Variants in NRG3 observed in about 807,000 individuals in gnomAD.
The protein encoded by NRG3 is pro-neuregulin-3, membrane-bound isoform.
A neutral mutation model predicts 66.9 loss-of-function variants in NRG3; 31 were observed. The ratio of observed to expected loss-of-function variants is 0.46; its 90% confidence interval spans 0.35 to 0.63. NRG3 has a LOEUF of 0.63. Ranked by LOEUF, NRG3 falls within the 20% of genes least tolerant of loss-of-function variation. NRG3 has a pLI of 0.00. For missense variants in NRG3, 910 were observed against 878.9 expected (o/e 1.04, Z -0.45); for synonymous variants, 393 against 359.4 (o/e 1.09, Z -1.06).
chr10:82,498,353 C>T (rs1843818094), intron 2 of NRG3, among the ~76,000 whole-genome samples: 1 of 151,980 alleles, frequency 6.6e-6, no homozygotes, highest in South Asian at 2.1e-4. Context: ...GGAAGAAAGC[C>T]ACTTCCACAG....
At chr10:82,644,302 A>T (rs1275842038) in intron 2 of NRG3, among the ~76,000 whole-genome samples, 1 of 152,108 alleles carries the variant, frequency 6.6e-6, no homozygotes, top group Non-Finnish European at 1.5e-5. Flanking sequence ...CTATCTGCAT[A>T]GGTGATGATA....
chr10:82,323,404 G>A (rs979464036), intron 1 of NRG3, among the ~76,000 whole-genome samples: 4 of 151,746 alleles, frequency 2.6e-5, no homozygotes, highest in Non-Finnish European at 5.9e-5. Flanking sequence ...TGAAATAATC[G>A]TATGTTTTTC....
At chr10:82,215,889 T>C (rs2075640444) in intron 1 of NRG3, among the ~76,000 whole-genome samples, 1 of 151,910 alleles carries the variant, frequency 6.6e-6, no homozygotes, top group African/African-American at 2.4e-5. Flanking sequence ...GTAAATTCCT[T>C]ACTACACACT....
intron 1 of NRG3, among the ~76,000 whole-genome samples, chr10:82,239,438 G>A (rs2076911100): frequency 2.6e-5 from 4 of 152,164 alleles, no homozygotes; most frequent in Non-Finnish European, 2.9e-5. Flanking sequence ...TTACAGGCAT[G>A]AGCCACCGCA....
chr10:82,218,413 T>C lies in NRG3; in HGVS notation c.824-140326T>C, dbSNP rs533678286. ...CAATATACAAGACTCTGTAATCTTA[T>C]ATACTACATTGGCAGGGACTGTTGG... is the stretch of plus-strand genomic sequence containing the variant. On this transcript the variant is annotated intron_variant, in intron 1 of 8. Coordinates refer to ENST00000372141, the MANE Select transcript of NRG3 (RefSeq NM_001010848.4). Among the ~76,000 whole-genome samples, 11 of 152,348 alleles carry C rather than the reference T, an allele frequency of 7.2e-5. No individual in the cohort carries two copies. In the South Asian group the frequency reaches 8.3e-4, roughly 11 times the overall value.
intron 4 of NRG3, among the ~76,000 whole-genome samples, chr10:82,875,007 G>C (rs1841681025): frequency 6.6e-6 from 1 of 152,166 alleles, no homozygotes; most frequent in African/African-American, 2.4e-5. Context: ...ACCAGATCCT[G>C]TTTATAGCTA....
chr10:82,818,747 A>T (rs2061824418), intron 3 of NRG3, among the ~76,000 whole-genome samples: 1 of 152,114 alleles, frequency 6.6e-6, no homozygotes, highest in African/African-American at 2.4e-5. Flanking sequence ...TAATGAAGGG[A>T]GGACTTTACA....
At chr10:82,839,479 G>A (rs1450629335) in intron 3 of NRG3, among the ~76,000 whole-genome samples, 2 of 151,644 alleles carry the variant, frequency 1.3e-5, no homozygotes, top group Admixed American at 6.6e-5. Flanking sequence ...ATTAAGAGAA[G>A]TGTGAAAAGA....
At chr10:82,758,970 C>T (rs1308103534) in intron 3 of NRG3, among the ~76,000 whole-genome samples, 1 of 151,776 alleles carries the variant, frequency 6.6e-6, no homozygotes, top group East Asian at 1.9e-4. Context: ...TCTTGAACTG[C>T]TATGCTTTGG....
chr10:82,388,608 G>A (rs528631435), intron 2 of NRG3, among the ~76,000 whole-genome samples: 32 of 152,194 alleles, frequency 2.1e-4, no homozygotes, highest in African/African-American at 7.0e-4. Context: ...AAACATCCTG[G>A]CCTCTAAATA....
At chr10:82,479,362 G>A (rs1028480417) in intron 2 of NRG3, among the ~76,000 whole-genome samples, 1 of 152,046 alleles carries the variant, frequency 6.6e-6, no homozygotes, top group African/African-American at 2.4e-5. Flanking sequence ...CAGAGAGGAA[G>A]GGGGGAAGAG....
intron 1 of NRG3, among the ~76,000 whole-genome samples, chr10:82,269,235 A>C (rs1208621799): frequency 1.3e-5 from 2 of 152,006 alleles, no homozygotes; most frequent in Non-Finnish European, 2.9e-5. Context: ...CTCTAATAGG[A>C]GGTGGTTGTC....
intron 1 of NRG3, among the ~76,000 whole-genome samples, chr10:81,884,180 A>AC (rs1842414595): frequency 6.6e-6 from 1 of 152,178 alleles, no homozygotes; most frequent in African/African-American, 2.4e-5. Context: ...AGTCTTACTT[A>AC]CCTAATTCAC....
intron 1 of NRG3, among the ~76,000 whole-genome samples, chr10:81,913,051 T>A (rs1448918226): frequency 1.3e-5 from 2 of 150,144 alleles, no homozygotes; most frequent in African/African-American, 5.0e-5. Context: ...TAAAGGGAGA[T>A]GATTGTAGGC....
intron 1 of NRG3, among the ~76,000 whole-genome samples, chr10:82,344,363 T>A (rs1370346284): frequency 6.6e-6 from 1 of 151,406 alleles, no homozygotes; most frequent in African/African-American, 2.5e-5. Context: ...GATTTCCACT[T>A]TCATCCATGT....
chr10:82,118,585 A>G (rs1030816233), intron 1 of NRG3, among the ~76,000 whole-genome samples: 2 of 152,092 alleles, frequency 1.3e-5, no homozygotes, highest in African/African-American at 4.8e-5. Flanking sequence ...GACCTGAACA[A>G]TTTATCTTTA....
chr10:81,960,493 A>G (rs557276590), intron 1 of NRG3, among the ~76,000 whole-genome samples: 6 of 152,194 alleles, frequency 3.9e-5, no homozygotes, highest in African/African-American at 1.4e-4. Context: ...TTTAATGTCC[A>G]TCTTCAGAAG....
intron 3 of NRG3, among the ~76,000 whole-genome samples, chr10:82,781,544 G>T (rs1305429793): frequency 6.6e-6 from 1 of 152,038 alleles, no homozygotes. Flanking sequence ...TCACTAGTCT[G>T]CTTTTTCTGA....
intron 1 of NRG3, among the ~76,000 whole-genome samples, chr10:82,173,597 A>C (rs958360346): frequency 1.3e-5 from 2 of 152,060 alleles, no homozygotes; most frequent in South Asian, 4.2e-4. Context: ...TGAGCAAGCA[A>C]GATGAGGGCT....
Sources: gnomAD v4.1 joint callset for allele counts (sites outside exome capture counted in the v4.1 genomes callset) on GRCh38, gnomAD v4.1.1 for gene constraint, MANE v1.5 for transcripts, NCBI Gene and HGNC (gene_info 2026-07-23, HGNC 2026-07-21) for gene names.